The following SYNJ1 variants were observed in gnomAD, a reference collection of about 807,000 sequenced individuals.
SYNJ1 encodes synaptojanin 1.
Under a neutral mutation model 168.2 loss-of-function variants are expected in SYNJ1, and 78 were observed. That is an observed-to-expected ratio of 0.46 (90% CI 0.39 to 0.56). SYNJ1 has a LOEUF of 0.56. Ranked by LOEUF, SYNJ1 falls within the 20% of genes least tolerant of loss-of-function variation. SYNJ1 has a pLI of 0.00. For missense variants in SYNJ1, 1,303 were observed against 1,597.6 expected (o/e 0.82, Z 3.14); for synonymous variants, 539 against 548.6 (o/e 0.98, Z 0.24).
intron 4 of SYNJ1, among the ~76,000 whole-genome samples, chr21:32,697,794 C>CA (rs927544548): frequency 2.6e-5 from 4 of 152,180 alleles, no homozygotes; most frequent in African/African-American, 9.7e-5. Context: ...GAGTGACACT[C>CA]AAAAAAATCA....
intron 21 of SYNJ1, among the ~76,000 whole-genome samples, chr21:32,655,868 G>A (rs2040434359): frequency 6.6e-6 from 1 of 152,138 alleles, no homozygotes; most frequent in Admixed American, 6.5e-5. Flanking sequence ...TCTGCAAAAG[G>A]CAGATGGCTA....
intron 15 of SYNJ1, among the ~76,000 whole-genome samples, chr21:32,669,395 A>G (rs2041089968): frequency 6.6e-6 from 1 of 152,204 alleles, no homozygotes; most frequent in South Asian, 2.1e-4. Flanking sequence ...CATGATCCTT[A>G]CAGCTTCCCA....
At position 32,685,344 on chromosome 21, in the gene SYNJ1, T is replaced by C. The variant is rs1435927346; in HGVS notation, c.1118+404A>G. Among the ~76,000 whole-genome samples the C allele has an allele frequency of 2.1e-5, 3 of 144,302 alleles. 1 individual carries two copies. The highest frequency in any genetic ancestry group is 5.2e-5 in the African/African-American group (2 of 38,240). 94.7% of individuals were successfully genotyped at this position (144,302 alleles called of 152,430 possible). A position where few individuals can be genotyped will look rare whatever the true frequency, so the allele number is the denominator to read the frequency against. On this transcript the variant is annotated intron_variant, in intron 9 of 32. Transcript: ENST00000674351. ...GCTCATGCCTGTAAACCTAGCACTT[T>C]GGGAGGCTGAGGCAGGTGGATCACT...
intron 2 of SYNJ1, among the ~76,000 whole-genome samples, chr21:32,708,702 G>C (rs2042705736): frequency 6.6e-6 from 1 of 151,380 alleles, no homozygotes; most frequent in African/African-American, 2.4e-5. Flanking sequence ...TAAAGGAAAA[G>C]ACTATTTTTC....
chr21:32,654,745 T>C (rs1028425351), intron 21 of SYNJ1, among the ~76,000 whole-genome samples: 1 of 152,250 alleles, frequency 6.6e-6, no homozygotes, highest in African/African-American at 2.4e-5. Flanking sequence ...TTTCACTCAC[T>C]ACAGTAAAAG....
At chr21:32,715,161 T>C (rs1340480028) in intron 2 of SYNJ1, among the ~76,000 whole-genome samples, 1 of 152,128 alleles carries the variant, frequency 6.6e-6, no homozygotes, top group African/African-American at 2.4e-5. Context: ...AATTATAAGA[T>C]TCTGGAATTT....
Position 32,685,912 on chromosome 21 carries a change from A to G in SYNJ1, c.954T>C (p.His318=). 1.9e-6 allele frequency: 3 copies of G among 1,603,166 alleles called. No homozygotes were observed. Among genetic ancestry groups the G allele is most frequent in the Non-Finnish European group, 2.5e-6 (3 of 1,176,506 alleles). The part of the protein sequence containing the change: ...EHMLSKAFQS[H]LKASEHAADI... ...CAGCAGCATGTTCAGAAGCTTTCAA[A>G]TGACTCTGAAAGTAAAAAGGCAAAT... Residue 318 remains histidine, a synonymous_variant, in exon 9 of 33, where the codon CAT becomes CAC. Transcript: ENST00000674351.
At position 32,663,432 on chromosome 21, in the gene SYNJ1, G is replaced by A. The variant is rs571474146; in HGVS notation, c.2304+1481C>T. ...AGTTGCAAACCGTGTGGACCCATCC[G>A]GAGTCCCACCAGGACTGGACAGCCC... On this transcript the variant is annotated intron_variant, in intron 18 of 32. Transcript: ENST00000674351. Among the ~76,000 whole-genome samples the A allele has an allele frequency of 3.4e-4, 52 of 152,290 alleles. No individual in the cohort carries two copies. The South Asian group carries it at 3.7e-3, about 11-fold the overall frequency.
Position 32,631,751 on chromosome 21 carries a change from A to C in SYNJ1, c.*54T>G, listed in dbSNP as rs763905079. On this transcript the variant is annotated 3_prime_UTR_variant, in exon 33 of 33. Coordinates refer to ENST00000674351, the MANE Select transcript of SYNJ1 (RefSeq NM_203446.3). Reference sequence around the variant, plus strand: ...TAAATGACAGATCTTCAAATGGGTCAATCTTTAATGGTGATTCTCTTTTGC... The same window carrying C: ...TAAATGACAGATCTTCAAATGGGTCCATCTTTAATGGTGATTCTCTTTTGC... The C allele has an allele frequency of 3.1e-6, 5 of 1,614,046 alleles. No homozygotes were observed. The East Asian group carries it at 1.1e-4, about 36-fold the overall frequency.
rs9980589 is a variant in SYNJ1, at chr21:32,631,620, A to G, written c.*185T>C. On this transcript the variant is annotated 3_prime_UTR_variant, in exon 33 of 33. Transcript: ENST00000674351. ...TGGCATGCAACTTACAGAACTCAAA[A>G]CATTACTTTGCGTTGCAGAAGGCAA... 1 of 1,144,824 alleles carries G rather than the reference A, an allele frequency of 8.7e-7. No homozygotes were observed. The highest frequency in any genetic ancestry group is 1.2e-6 in the Non-Finnish European group (1 of 846,466). 70.9% of individuals were successfully genotyped at this position (1,144,824 alleles called of 1,614,324 possible).
chr21:32,688,885 A>G (rs115630318), intron 6 of SYNJ1, among the ~76,000 whole-genome samples: 28 of 152,318 alleles, frequency 1.8e-4, no homozygotes, highest in African/African-American at 5.3e-4. Flanking sequence ...CTTCTCTACT[A>G]TGTTGAATAT....
intron 31 of SYNJ1, among the ~76,000 whole-genome samples, chr21:32,638,103 T>C (rs745539987): frequency 2.0e-5 from 3 of 152,148 alleles, no homozygotes; most frequent in Non-Finnish European, 4.4e-5. Context: ...AGGGTCTCAC[T>C]GTGTCACCAG....
At chr21:32,688,483 A>G (rs2041910141) in intron 6 of SYNJ1, 116 bp from the exon 7 acceptor site, 1 of 762,574 alleles carries the variant, frequency 1.3e-6, no homozygotes, top group Admixed American at 3.4e-5. Flanking sequence ...TTAATCAAAT[A>G]ACTGATTTCC....
intron 1 of SYNJ1, among the ~76,000 whole-genome samples, chr21:32,727,669 C>A (rs1164429682): frequency 6.6e-6 from 1 of 152,224 alleles, no homozygotes; most frequent in Non-Finnish European, 1.5e-5. Context: ...CATTTATGCG[C>A]CAGAAGAGAT....
chr21:32,664,711 C>T lies in SYNJ1; in HGVS notation c.2304+202G>A, dbSNP rs2040855611. 2.0e-5 allele frequency among the ~76,000 whole-genome samples: 3 copies of T among 152,176 alleles called. No individual in the cohort carries two copies. In the South Asian group the frequency reaches 6.2e-4, roughly 32 times the overall value. On this transcript the variant is annotated intron_variant, in intron 18 of 32. Transcript: ENST00000674351. Reference sequence around the variant, plus strand: ...CCCAGCTGAATAAAGCCCTTTCCTTCTACAACTTGGTGTCTGAAGGGTTCT... The same window carrying T: ...CCCAGCTGAATAAAGCCCTTTCCTTTTACAACTTGGTGTCTGAAGGGTTCT...
At chr21:32,694,349 GAA>G (rs756130740) in intron 5 of SYNJ1, 38 bp from the exon 6 acceptor site, 2 of 1,477,306 alleles carry the variant, frequency 1.4e-6, no homozygotes, top group Non-Finnish European at 1.8e-6. Flanking sequence ...TATTTCCACA[GAA>G]AAGTTGTTAC....
In SYNJ1 at chr21:32,656,990, A is replaced by T. The variant is rs2040484780; in HGVS notation, c.2579+13T>A. The T allele has an allele frequency of 1.2e-6, 2 of 1,612,260 alleles. No homozygotes were observed. Among genetic ancestry groups the T allele is most frequent in the Non-Finnish European group, 1.7e-6 (2 of 1,179,334 alleles). Reference sequence around the variant, plus strand: ...ATTTCAAACACTATTAGAAAAACTGAGACTGCTTAAACCTGTGGTCAGAAG... The same window carrying T: ...ATTTCAAACACTATTAGAAAAACTGTGACTGCTTAAACCTGTGGTCAGAAG... On this transcript the variant is annotated intron_variant, in intron 20 of 32. Transcript: ENST00000674351.
At chr21:32,725,485 T>C (rs140008196) in intron 2 of SYNJ1, among the ~76,000 whole-genome samples, 1 of 152,220 alleles carries the variant, frequency 6.6e-6, no homozygotes, top group East Asian at 1.9e-4. Flanking sequence ...GAGCCCCTTC[T>C]CCTTCATTCA....
chr21:32,716,221 T>C (rs1002025369), intron 2 of SYNJ1, among the ~76,000 whole-genome samples: 1 of 152,248 alleles, frequency 6.6e-6, no homozygotes, highest in African/African-American at 2.4e-5. Context: ...CCACTCTTTA[T>C]TGCTTCTTTC....
Sources: gnomAD v4.1 joint callset for allele counts (sites outside exome capture counted in the v4.1 genomes callset) on GRCh38, gnomAD v4.1.1 for gene constraint, MANE v1.5 for transcripts, NCBI Gene and HGNC (gene_info 2026-07-23, HGNC 2026-07-21) for gene names.